The following TYK2 variants were observed in gnomAD, a reference collection of about 807,000 sequenced individuals.
TYK2 encodes non-receptor tyrosine-protein kinase TYK2.
TYK2 carries 65 observed loss-of-function variants against 130.9 expected under a neutral mutation model. That is an observed-to-expected ratio of 0.50 (90% CI 0.41 to 0.61). The LOEUF is 0.61. Among genes scored for constraint, TYK2 ranks in the 20% least tolerant of loss-of-function variants. The probability of loss-of-function intolerance (pLI) is 0.00; values close to 1 mark genes in which losing one functional copy is unlikely to be tolerated. For missense variants in TYK2, 1,378 were observed against 1,610.7 expected (o/e 0.86, Z 2.47); for synonymous variants, 647 against 658.9 (o/e 0.98, Z 0.28).
At chr19:10,358,174 G>T in intron 15 of TYK2, 36 bp from the exon 16 acceptor site, 1 of 1,579,152 alleles carries the variant, frequency 6.3e-7, no homozygotes, top group South Asian at 1.1e-5. Context: ...GGCCACTCAG[G>T]AGAGGCACAG....
intron 20 of TYK2, 22 bp downstream of exon 20, chr19:10,354,020 G>A (rs762680002): frequency 6.2e-7 from 1 of 1,612,590 alleles, no homozygotes; most frequent in African/African-American, 1.3e-5. Context: ...CAAGTCTCTA[G>A]GACTCGCCGG....
intron 3 of TYK2, among the ~76,000 whole-genome samples, chr19:10,374,689 C>G (rs909516200): frequency 4.6e-5 from 7 of 150,586 alleles, no homozygotes; most frequent in Non-Finnish European, 8.9e-5. Context: ...TCAAGACCAG[C>G]CTGACCAACA....
chr19:10,351,401 C>T (rs1295593738), intron 23 of TYK2: 2 of 422,522 alleles, frequency 4.7e-6, no homozygotes, highest in Non-Finnish European at 9.0e-6. Context: ...GCAGGAGGAT[C>T]GTCTGAACCT....
At position 10,361,665 on chromosome 19, in the gene TYK2, A is replaced by G; in HGVS notation, c.1960-67T>C. 6.7e-7 allele frequency: 1 copy of G among 1,502,902 alleles called. No individual in the cohort carries two copies. The highest frequency in any genetic ancestry group is 1.8e-5 in the Admixed American group (1 of 55,682). The allele number at this position is 1,502,902 out of a possible 1,614,324, so 93.1% of individuals were successfully genotyped here. Reference sequence around the variant, plus strand: ...CTCCCATCCCACCTCCTCCACGGACACACCCCTCCCATCCCACCTCCTCCA... The same window carrying G: ...CTCCCATCCCACCTCCTCCACGGACGCACCCCTCCCATCCCACCTCCTCCA... On this transcript the variant is annotated intron_variant, in intron 13 of 24. Coordinates refer to ENST00000525621, the MANE Select transcript of TYK2 (RefSeq NM_003331.5). This position sits in a 1 kb window ranked among gnomAD's most constrained non-coding sequence, Gnocchi z 4.0.
In TYK2 at chr19:10,354,527, G is replaced by C. The variant is rs1419869463; in HGVS notation, c.2700C>G (p.Ile900Met). ...CGTCCCTCACCTCGCCCAGATCTCG[G>C]ATCTTTTTCAAATAGCGCTTGTGGA... The part of the protein sequence containing the change: ...TVFHKRYLKK[I>M]RDLGEGHFGK... The change falls in exon 19 of 25, where the codon ATC becomes ATG. Residue 900 changes from isoleucine to methionine, a missense_variant. Physicochemically the swap from Ile to Met is conservative, Grantham distance 10. Transcript: ENST00000525621. 1 of 1,614,058 alleles carries C rather than the reference G, an allele frequency of 6.2e-7. No homozygotes were observed.
chr19:10,353,978 AAGGCCACACCCACGCTC>A lies in TYK2; in HGVS notation c.2908+47_2908+63del. 1 of 1,546,614 alleles carries A rather than the reference AAGGCCACACCCACGCTC, an allele frequency of 6.5e-7. No individual in the cohort carries two copies. The highest frequency in any genetic ancestry group is 8.9e-7 in the Non-Finnish European group (1 of 1,123,312). ...GCTAGGCCAGACTGGCCCCGCCCAC[AAGGCCACACCCACGCTC>A]TAACCACGCCCCCTCAAGTCTCTAG... On this transcript the variant is annotated intron_variant, in intron 20 of 24. Transcript: ENST00000525621. The surrounding 1 kb of genome is among the most constrained non-coding windows in gnomAD (Gnocchi z 6.9).
chr19:10,353,246 AC>A lies in TYK2; in HGVS notation c.3028-149del. The A allele has an allele frequency of 6.1e-6, 4 of 653,348 alleles. No individual in the cohort carries two copies. Among genetic ancestry groups the A allele is most frequent in the Non-Finnish European group, 9.7e-6 (4 of 413,784 alleles). The allele number at this position is 653,348 out of a possible 1,614,324, so 40.5% of individuals were successfully genotyped here. ...TGGAGAGGGCCGGATGGCACGTGGCACCAAGCAAAAGGAGGCTGAGCCAGAA... is the reference window on the plus strand; with the variant it reads ...TGGAGAGGGCCGGATGGCACGTGGCACAAGCAAAAGGAGGCTGAGCCAGAA... On this transcript the variant is annotated intron_variant, in intron 21 of 24. Transcript: ENST00000525621. This position sits in a 1 kb window ranked among gnomAD's most constrained non-coding sequence, Gnocchi z 6.9.
rs1273716071 is a variant in TYK2, at chr19:10,379,789, G to A, written c.-185-10C>T. 6.6e-6 allele frequency: 1 copy of A among 152,304 alleles called. No individual in the cohort carries two copies. Among genetic ancestry groups the A allele is most frequent in the African/African-American group, 2.4e-5 (1 of 41,422 alleles). The allele number at this position is 152,304 out of a possible 1,614,324, so 9.4% of individuals were successfully genotyped here. A position where few individuals can be genotyped will look rare whatever the true frequency, so the allele number is the denominator to read the frequency against. On this transcript the variant is annotated splice_polypyrimidine_tract_variant and intron_variant, in intron 1 of 24. Transcript: ENST00000525621. ...ACATTCAGCACAGACCCTGATTCAG[G>A]CACACACAAAAAGAACAAATATGAC...
chr19:10,365,697 C>G lies in TYK2; in HGVS notation c.831G>C (p.Val277=). ...CCTGGGCCAGCAGCCTCAGGTGGCACACGGGCACACGCTCTGTGCCGAAGC... is the reference window on the plus strand; with the variant it reads ...CCTGGGCCAGCAGCCTCAGGTGGCAGACGGGCACACGCTCTGTGCCGAAGC... ...APRFGTERVP[V]CHLRLLAQAE... is the part of the protein sequence containing the mutation. Residue 277 remains valine, a synonymous_variant, in exon 7 of 25, where the codon GTG becomes GTC. Transcript: ENST00000525621. 6.2e-7 allele frequency: 1 copy of G among 1,613,226 alleles called. No homozygotes were observed. Among genetic ancestry groups the G allele is most frequent in the Non-Finnish European group, 8.5e-7 (1 of 1,179,860 alleles).
chr19:10,355,776 A>T (rs2041071001), intron 18 of TYK2, among the ~76,000 whole-genome samples: 2 of 151,110 alleles, frequency 1.3e-5, no homozygotes, highest in Admixed American at 1.3e-4. Flanking sequence ...ATCCTGGCCA[A>T]CATGGTGAAT....
Position 10,356,988 on chromosome 19 carries a change from C to T in TYK2, c.2467-270G>A, listed in dbSNP as rs12720306. ...GCTTCCCTCCTGCCCCTCCTGTAGA[C>T]CACAGCTCCTTAATACACTGAAGCC... On this transcript the variant is annotated intron_variant, in intron 17 of 24. Coordinates refer to ENST00000525621, the MANE Select transcript of TYK2 (RefSeq NM_003331.5). The T allele has an allele frequency of 3.0e-3, 1,622 of 537,118 alleles. 22 individuals are homozygous for T. The highest frequency in any genetic ancestry group is 0.028 in the African/African-American group (1,494 of 52,642). The allele number at this position is 537,118 out of a possible 1,614,324, so 33.3% of individuals were successfully genotyped here.
chr19:10,378,574 G>C (rs2042254017), intron 2 of TYK2, 148 bp from the exon 3 acceptor site: 1 of 653,052 alleles, frequency 1.5e-6, no homozygotes, highest in Non-Finnish European at 2.7e-6. Flanking sequence ...TTCCCTCTCT[G>C]AGTCTCGTTT....
At chr19:10,366,108 G>A (rs935015789) in intron 6 of TYK2, among the ~76,000 whole-genome samples, 8 of 152,152 alleles carry the variant, frequency 5.3e-5, no homozygotes, top group Non-Finnish European at 8.8e-5. Context: ...TTCGAGACCA[G>A]CCTGGCCAAC....
rs377283741 is a variant in TYK2 at position 10,362,260 on chromosome 19, G to A, written c.1669+4C>T. 1.4e-4 allele frequency: 227 copies of A among 1,613,476 alleles called. No homozygotes were observed. Among genetic ancestry groups the A allele is most frequent in the Non-Finnish European group, 1.8e-4 (212 of 1,179,606 alleles). The stretch of plus-strand genomic sequence containing the variant: ...CCCACCCAGAGGTCCCCCTATCATC[G>A]TACCTCCTGGTTGGGGCAGGCAACA... On this transcript the variant is annotated splice_donor_region_variant and intron_variant, in intron 11 of 24. Coordinates refer to ENST00000525621, the MANE Select transcript of TYK2 (RefSeq NM_003331.5).
chr19:10,357,365 G>C, intron 17 of TYK2: 1 of 627,324 alleles, frequency 1.6e-6, no homozygotes, highest in Non-Finnish European at 2.9e-6. Flanking sequence ...TTCCAGCCTG[G>C]GCAATTAGAG....
intron 3 of TYK2, among the ~76,000 whole-genome samples, chr19:10,377,594 GAATGGATGGA>G (rs1568346560): frequency 1.7e-3 from 112 of 66,744 alleles, no homozygotes; most frequent in East Asian, 3.4e-3. Flanking sequence ...ATGGATGGAT[GAATGGATGGA>G]TGGGTGGATG....
intron 17 of TYK2, 37 bp from the exon 18 acceptor site, chr19:10,356,755 C>A: frequency 6.4e-7 from 1 of 1,564,796 alleles, no homozygotes. Flanking sequence ...CAACATCCTC[C>A]CCTCGCCCCC....
chr19:10,379,943 G>A (rs1381289162), intron 1 of TYK2, among the ~76,000 whole-genome samples, 164 bp from the exon 2 acceptor site: 2 of 152,164 alleles, frequency 1.3e-5, no homozygotes, highest in South Asian at 2.1e-4. Flanking sequence ...AAGCCTAGGA[G>A]AGTTTATGTC....
chr19:10,354,672 G>C, intron 18 of TYK2, 63 bp from the exon 19 acceptor site: 1 of 1,430,316 alleles, frequency 7.0e-7, no homozygotes. Flanking sequence ...CCCACACTTG[G>C]GAGTCACAAA....
Sources: gnomAD v4.1 joint callset for allele counts (sites outside exome capture counted in the v4.1 genomes callset) on GRCh38, gnomAD v4.1.1 for gene constraint, Gnocchi (gnomAD v3.1) non-coding constraint, MANE v1.5 for transcripts, NCBI Gene and HGNC (gene_info 2026-07-23, HGNC 2026-07-21) for gene names.